CACNB4: variants seen among roughly 807,000 people sequenced by gnomAD.
CACNB4 encodes the protein voltage-dependent L-type calcium channel subunit beta-4.
In CACNB4, 32 loss-of-function variants were observed where a neutral mutation model predicts 71.2. The observed-to-expected ratio is 0.45, with a 90% confidence interval of 0.34 to 0.60. The LOEUF (loss-of-function observed/expected upper bound fraction) is 0.60. Among genes scored for constraint, CACNB4 ranks in the 20% least tolerant of loss-of-function variants. The pLI is 0.01. For synonymous variants in CACNB4, 231 were observed against 236.9 expected, an observed-to-expected ratio of 0.97 and a Z score of 0.23; for missense variants, 464 against 647.9, an observed-to-expected ratio of 0.72 and a Z score of 3.08.
chr2:152,028,346 T>G (rs2105170061), intron 2 of CACNB4, among the ~76,000 whole-genome samples: 1 of 152,208 alleles, frequency 6.6e-6, no homozygotes, highest in East Asian at 1.9e-4. Context: ...GAACAAGTAC[T>G]TCATCAGGGC....
chr2:151,921,238 CA>C (rs930392517), intron 2 of CACNB4, among the ~76,000 whole-genome samples: 2 of 150,808 alleles, frequency 1.3e-5, no homozygotes, highest in African/African-American at 2.4e-5. Flanking sequence ...GCTTCACAAA[CA>C]TTATCCCATG....
At chr2:151,880,066 A>G (rs2099847440) in intron 4 of CACNB4, 1 of 152,216 alleles carries the variant, frequency 6.6e-6, no homozygotes, top group Non-Finnish European at 1.5e-5. Context: ...TTCTAGACAA[A>G]TGTAGACATC....
intron 2 of CACNB4, among the ~76,000 whole-genome samples, chr2:152,008,767 C>T (rs1300814236): frequency 6.6e-6 from 1 of 152,190 alleles, no homozygotes; most frequent in Non-Finnish European, 1.5e-5. Flanking sequence ...AGCATGATCT[C>T]TTGCAGCCTG....
At chr2:152,052,643 C>T (rs902009878) in intron 2 of CACNB4, among the ~76,000 whole-genome samples, 1 of 152,130 alleles carries the variant, frequency 6.6e-6, no homozygotes, top group African/African-American at 2.4e-5. Flanking sequence ...ACCCTCTGTA[C>T]TTCATTCCTT....
At chr2:151,928,310 A>G (rs1248899832) in intron 2 of CACNB4, among the ~76,000 whole-genome samples, 2 of 152,204 alleles carry the variant, frequency 1.3e-5, no homozygotes, top group East Asian at 3.8e-4. Context: ...CGCTTTCTAC[A>G]TTTTGTGTTA....
intron 2 of CACNB4, among the ~76,000 whole-genome samples, chr2:151,945,107 A>G (rs2099865246): frequency 2.0e-5 from 3 of 152,192 alleles, no homozygotes; most frequent in South Asian, 4.1e-4. Context: ...CTTAGTCCCA[A>G]TAAGTGACTG....
intron 13 of CACNB4, among the ~76,000 whole-genome samples, chr2:151,841,161 G>A (rs2099836124): frequency 6.6e-6 from 1 of 152,210 alleles, no homozygotes; most frequent in Non-Finnish European, 1.5e-5. Context: ...CTTGTGCAAG[G>A]TAGAGAGCAG....
chr2:151,985,535 T>C (rs1681306224), intron 2 of CACNB4, among the ~76,000 whole-genome samples: 1 of 152,208 alleles, frequency 6.6e-6, no homozygotes. Flanking sequence ...TCTGCCAATT[T>C]ACATACCTAT....
chr2:152,076,118 G>A (rs961721662), intron 2 of CACNB4, among the ~76,000 whole-genome samples: 6 of 147,024 alleles, frequency 4.1e-5, no homozygotes, highest in Non-Finnish European at 6.0e-5. Flanking sequence ...AGGAGGACAT[G>A]TGATTACCAC....
intron 2 of CACNB4, among the ~76,000 whole-genome samples, chr2:152,085,550 C>T (rs1687611382): frequency 6.6e-6 from 1 of 152,116 alleles, no homozygotes; most frequent in South Asian, 2.1e-4. Flanking sequence ...CCTCCCACTC[C>T]TACCTTCCCA....
At chr2:152,012,942 T>C (rs1683141922) in intron 2 of CACNB4, among the ~76,000 whole-genome samples, 1 of 152,204 alleles carries the variant, frequency 6.6e-6, no homozygotes, top group African/African-American at 2.4e-5. Flanking sequence ...CAAGCTCCAT[T>C]TGCAATAAGT....
At chr2:151,982,469 T>TA (rs1256107523) in intron 2 of CACNB4, among the ~76,000 whole-genome samples, 1 of 151,844 alleles carries the variant, frequency 6.6e-6, no homozygotes, top group Non-Finnish European at 1.5e-5. Context: ...CTGTCTCTAC[T>TA]AAAAATACAA....
intron 9 of CACNB4, among the ~76,000 whole-genome samples, chr2:151,863,499 T>C (rs1429780295): frequency 3.3e-5 from 5 of 152,202 alleles, no homozygotes; most frequent in Non-Finnish European, 7.3e-5. Context: ...AGGGACAGAA[T>C]TCAACTTTCT....
chr2:151,905,877 A>G (rs2099854681), intron 2 of CACNB4, among the ~76,000 whole-genome samples: 1 of 152,220 alleles, frequency 6.6e-6, no homozygotes, highest in Non-Finnish European at 1.5e-5. Context: ...AGAATTCTCC[A>G]CTTCGTCTAT....
intron 2 of CACNB4, among the ~76,000 whole-genome samples, chr2:151,965,674 A>G (rs998006645): frequency 4.6e-5 from 7 of 152,138 alleles, no homozygotes; most frequent in Non-Finnish European, 4.4e-5. Flanking sequence ...AAGCAGAATT[A>G]CCTTTCCTCA....
At chr2:151,855,399 A>T (rs1310558135) in intron 10 of CACNB4, 24 bp from the exon 11 acceptor site, 1 of 1,535,310 alleles carries the variant, frequency 6.5e-7, no homozygotes, top group Non-Finnish European at 8.9e-7. Context: ...TAATAAATAG[A>T]TCCCGGTTAT....
chr2:151,874,313 C>A (rs1292863331), intron 5 of CACNB4, among the ~76,000 whole-genome samples: 1 of 151,770 alleles, frequency 6.6e-6, no homozygotes, highest in Non-Finnish European at 1.5e-5. Context: ...ACCAAAAATA[C>A]AAAAATTAGC....
rs1350379171 is a variant in CACNB4, at chr2:151,835,098, T to C, written c.*4021A>G. 2.0e-5 allele frequency: 3 copies of C among 151,964 alleles called. No individual in the cohort carries two copies. Among genetic ancestry groups the C allele is most frequent in the Non-Finnish European group, 2.9e-5 (2 of 67,846 alleles). 9.4% of individuals were successfully genotyped at this position (151,964 alleles called of 1,614,324 possible). On this transcript the variant is annotated 3_prime_UTR_variant, in exon 14 of 14. Transcript: ENST00000539935. ...AGTCAAGGACCAACAAAATGTGAAT[T>C]TGCAAACCAGCTGCTCTTAAACATA...
chr2:151,870,843 A>G lies in CACNB4; in HGVS notation c.617T>C (p.Val206Ala), dbSNP rs1222207317. 6.2e-7 allele frequency: 1 copy of G among 1,602,278 alleles called. No homozygotes were observed. The highest frequency in any genetic ancestry group is 1.7e-5 in the Admixed American group (1 of 58,818). The part of the protein sequence containing the change: ...PTSTAKQKQK[V>A]TEHIPPYDVV... ...ATTTAAAAAGGAAACACAACTTACC[A>G]CTTTTTGCTTCTGTTTTGCTAAAAG... The change falls in exon 7 of 14, where the codon GTG becomes GCG. Residue 206 changes from valine to alanine, a missense_variant and splice_region_variant. Coordinates refer to ENST00000539935, the MANE Select transcript of CACNB4 (RefSeq NM_000726.5).
Sources: allele counts gnomAD v4.1 joint callset (sites outside exome capture counted in the v4.1 genomes callset), GRCh38; gene constraint gnomAD v4.1.1; transcripts MANE v1.5; gene names NCBI Gene and HGNC (gene_info 2026-07-23, HGNC 2026-07-21).